TCF4: variants seen among roughly 807,000 people sequenced by gnomAD.
TCF4 encodes SL3-3 enhancer factor 2.
Under a neutral mutation model 82.1 loss-of-function variants are expected in TCF4, and 3 were observed. The observed-to-expected ratio is 0.04, with a 90% CI of 0.02 to 0.09. The LOEUF (loss-of-function observed/expected upper bound fraction) is 0.09, where lower values mean the gene tolerates loss of function less well. TCF4 is among the 10% of genes least tolerant of loss of function. TCF4 has a pLI of 1.00. For synonymous variants in TCF4, 276 were observed against 309.6 expected (o/e 0.89, Z 1.14); for missense variants, 518 against 852.7 (o/e 0.61, Z 4.89).
chr18:55,412,114 GA>G (rs1240081417), intron 5 of TCF4, among the ~76,000 whole-genome samples: 2 of 152,064 alleles, frequency 1.3e-5, no homozygotes, highest in Non-Finnish European at 2.9e-5. Context: ...CAATTTAAGT[GA>G]TAGGCACAGC....
At chr18:55,237,618 C>T (rs1482766530) in intron 15 of TCF4, among the ~76,000 whole-genome samples, 6 of 54,642 alleles carry the variant, frequency 1.1e-4, no homozygotes, top group Non-Finnish European at 2.3e-4. Context: ...TACAGGCGCC[C>T]ACCACCACGC....
At chr18:55,228,669 T>C (rs1004237478) in intron 18 of TCF4, among the ~76,000 whole-genome samples, 178 bp downstream of exon 18, 1 of 152,192 alleles carries the variant, frequency 6.6e-6, no homozygotes, top group South Asian at 2.1e-4. Context: ...CACAACTTAA[T>C]TACAGGAGAA....
At chr18:55,595,986 A>G (rs1371818677) in intron 2 of TCF4, 3 of 310,736 alleles carry the variant, frequency 9.7e-6, no homozygotes, top group Admixed American at 4.3e-5. Flanking sequence ...TAATCCCAGC[A>G]CTTTGAGAGA....
At chr18:55,586,845 A>C (rs2097654312) in intron 2 of TCF4, 200 bp downstream of exon 2, 6 of 540,078 alleles carry the variant, frequency 1.1e-5, no homozygotes, top group Non-Finnish European at 2.0e-5. Flanking sequence ...AAACTCAAAA[A>C]AAAAAAAAAG....
intron 15 of TCF4, among the ~76,000 whole-genome samples, chr18:55,253,961 G>A (rs1168021069): frequency 1.3e-5 from 2 of 152,160 alleles, no homozygotes; most frequent in East Asian, 3.8e-4. Flanking sequence ...ATTTATAGAA[G>A]CATTATTCAT....
At chr18:55,328,552 A>G (rs2076967568) in intron 8 of TCF4, among the ~76,000 whole-genome samples, 1 of 152,204 alleles carries the variant, frequency 6.6e-6, no homozygotes, top group African/African-American at 2.4e-5. Flanking sequence ...CACTTCCTAG[A>G]TGAAGCTGGT....
At chr18:55,320,734 C>G (rs1232252558) in intron 8 of TCF4, 2 of 152,194 alleles carry the variant, frequency 1.3e-5, no homozygotes, top group Non-Finnish European at 2.9e-5. Flanking sequence ...TTATAAATGG[C>G]TGCTTTTCAC....
chr18:55,290,625 G>A (rs997021282), intron 8 of TCF4, among the ~76,000 whole-genome samples: 9 of 152,082 alleles, frequency 5.9e-5, no homozygotes, highest in Non-Finnish European at 1.5e-5. Flanking sequence ...AACCCTAAAG[G>A]CGCTCTTCTT....
chr18:55,520,251 TATC>T (rs2096921950), intron 3 of TCF4, among the ~76,000 whole-genome samples: 1 of 152,184 alleles, frequency 6.6e-6, no homozygotes, highest in South Asian at 2.1e-4. Flanking sequence ...AGCAGTATCT[TATC>T]ATCTCGGCAT....
intron 3 of TCF4, among the ~76,000 whole-genome samples, chr18:55,476,212 G>A (rs1205736639): frequency 6.6e-6 from 1 of 152,180 alleles, no homozygotes; most frequent in Non-Finnish European, 1.5e-5. Flanking sequence ...TATTTTAGAA[G>A]GGGGAGATAA....
intron 8 of TCF4, among the ~76,000 whole-genome samples, chr18:55,327,842 G>A (rs983093120): frequency 3.9e-5 from 6 of 152,112 alleles, no homozygotes; most frequent in Non-Finnish European, 5.9e-5. Context: ...AGAGACAGCA[G>A]CATGCAAAAT....
intron 2 of TCF4, among the ~76,000 whole-genome samples, chr18:55,597,666 CA>C (rs1044304302): frequency 6.1e-4 from 77 of 126,808 alleles, no homozygotes; most frequent in East Asian, 8.9e-4. Context: ...GACTCTGTCT[CA>C]AAAAAAAAAA....
intron 8 of TCF4, among the ~76,000 whole-genome samples, chr18:55,333,358 CTCAG>C (rs138281347): frequency 0.021 from 3,147 of 152,036 alleles, 92 homozygotes; most frequent in African/African-American, 0.071. Context: ...TTCAAAACTG[CTCAG>C]TCATTTTGAA....
intron 8 of TCF4, among the ~76,000 whole-genome samples, chr18:55,304,537 T>C (rs1471110795): frequency 2.6e-5 from 4 of 152,118 alleles, no homozygotes; most frequent in Non-Finnish European, 5.9e-5. Flanking sequence ...TACTTCCTAA[T>C]TAAAAAAAAC....
intron 8 of TCF4, among the ~76,000 whole-genome samples, chr18:55,327,370 TTAGATA>T (rs938541986): frequency 7.9e-5 from 12 of 152,240 alleles, no homozygotes; most frequent in African/African-American, 2.9e-4. Flanking sequence ...TTGGCATCAT[TTAGATA>T]TTCTCAGGTA....
chr18:55,559,914 G>C (rs779540573), intron 3 of TCF4, among the ~76,000 whole-genome samples: 6 of 152,104 alleles, frequency 3.9e-5, no homozygotes, highest in Admixed American at 2.6e-4. Context: ...CCCAGCGCAG[G>C]GGGTGGGGAG....
intron 6 of TCF4, among the ~76,000 whole-genome samples, chr18:55,397,122 T>C (rs1170450372): frequency 6.6e-6 from 1 of 152,208 alleles, no homozygotes; most frequent in East Asian, 1.9e-4. Context: ...TGGGGAAAGA[T>C]TCCTTTACAA....
chr18:55,509,431 A>G (rs1416240393), intron 3 of TCF4, among the ~76,000 whole-genome samples: 1 of 152,048 alleles, frequency 6.6e-6, no homozygotes, highest in Non-Finnish European at 1.5e-5. Flanking sequence ...GCTTTAATTC[A>G]CTGTGTTGAA....
Position 55,523,798 on chromosome 18 carries a change from T to C in TCF4, c.146-59661A>G, listed in dbSNP as rs566876564. Among the ~76,000 whole-genome samples, 5 of 152,238 alleles carry C rather than the reference T, an allele frequency of 3.3e-5. No individual in the cohort carries two copies. The East Asian group carries it at 9.6e-4, about 29-fold the overall frequency. ...TAAATGTTCTGCAATACATAGTATC[T>C]CCTTTACAATTTTTTTAAAAAAATA... is the stretch of plus-strand genomic sequence containing the variant. On this transcript the variant is annotated intron_variant, in intron 3 of 19. Coordinates refer to ENST00000354452, the MANE Select transcript of TCF4 (RefSeq NM_001083962.2).
Sources: allele counts gnomAD v4.1 joint callset (sites outside exome capture counted in the v4.1 genomes callset), GRCh38; gene constraint gnomAD v4.1.1; transcripts MANE v1.5; gene names NCBI Gene and HGNC (gene_info 2026-07-23, HGNC 2026-07-21).